Variants in LRBA observed in about 807,000 individuals in gnomAD.
LRBA encodes the protein LPS responsive beige-like anchor protein.
A neutral mutation model predicts 330.0 loss-of-function variants in LRBA; 176 were observed. The ratio of observed to expected loss-of-function variants is 0.53; its 90% confidence interval spans 0.47 to 0.60. LRBA has a LOEUF of 0.60. Ranked by LOEUF, LRBA falls within the 20% of genes least tolerant of loss-of-function variation. LRBA has a pLI of 0.00. For missense variants in LRBA, 3,259 were observed against 3,444.8 expected, an observed-to-expected ratio of 0.95 and a Z score of 1.35; for synonymous variants, 1,230 against 1,193.0, an observed-to-expected ratio of 1.03 and a Z score of -0.64.
intron 43 of LRBA, among the ~76,000 whole-genome samples, chr4:150,470,739 TCA>T (rs1164015076): frequency 6.6e-6 from 1 of 152,054 alleles, no homozygotes; most frequent in Non-Finnish European, 1.5e-5. Context: ...CCACCTACAT[TCA>T]GTCAGCTGCA....
In LRBA at chr4:150,686,723, G is replaced by A. The variant is rs72736392; in HGVS notation, c.5755-3006C>T. Among the ~76,000 whole-genome samples the A allele has an allele frequency of 8.0e-3, 1,211 of 152,002 alleles. 9 individuals are homozygous for A. The highest frequency in any genetic ancestry group is 0.011 in the Non-Finnish European group (779 of 67,926). ...TACTGATGAGATTTAGAAAATCACC[G>A]GTTTCTGAAATGCTATGAACCACCA... is the stretch of plus-strand genomic sequence containing the variant. On this transcript the variant is annotated intron_variant, in intron 36 of 56. Coordinates refer to ENST00000651943, the MANE Select transcript of LRBA (RefSeq NM_001364905.1).
At chr4:150,974,774 T>C (rs968641976) in intron 2 of LRBA, among the ~76,000 whole-genome samples, 2 of 152,092 alleles carry the variant, frequency 1.3e-5, no homozygotes, top group Non-Finnish European at 2.9e-5. Context: ...CTCATCCCTG[T>C]GCAAAGCATA....
intron 22 of LRBA, among the ~76,000 whole-genome samples, chr4:150,857,679 T>TA (rs1751388342): frequency 6.6e-6 from 1 of 152,130 alleles, no homozygotes; most frequent in Non-Finnish European, 1.5e-5. Flanking sequence ...AAGGAACAGA[T>TA]AAAGTATGAT....
In LRBA at chr4:150,848,934, T is replaced by G. The variant is rs1345556680; in HGVS notation, c.4223A>C (p.Gln1408Pro). Reference sequence around the variant, plus strand: ...CACATCCACAAGGCTAATTAGCCTCTGCAAAAATGTCACAGAGGCTTCTAT... The same window carrying G: ...CACATCCACAAGGCTAATTAGCCTCGGCAAAAATGTCACAGAGGCTTCTAT... ...LSIEASVTFLQRLISLVDVLI... is the reference protein window; with the variant it reads ...LSIEASVTFLPRLISLVDVLI... The change falls in exon 26 of 57, where the codon CAG becomes CCG. Residue 1408 changes from glutamine to proline, a missense_variant. By Grantham distance (76) the Gln-to-Pro change is moderately conservative (BLOSUM62 -1). Transcript: ENST00000651943. 1.2e-6 allele frequency: 2 copies of G among 1,611,838 alleles called. No individual in the cohort carries two copies. The highest frequency in any genetic ancestry group is 2.7e-5 in the African/African-American group (2 of 74,818).
chr4:150,596,099 T>C (rs535976565), intron 38 of LRBA, among the ~76,000 whole-genome samples: 2 of 152,100 alleles, frequency 1.3e-5, no homozygotes, highest in South Asian at 4.1e-4. Flanking sequence ...GCATGACTTT[T>C]ATAAATAACC....
intron 40 of LRBA, chr4:150,580,426 A>G (rs1164640947): frequency 2.6e-5 from 4 of 152,190 alleles, no homozygotes; most frequent in African/African-American, 4.8e-5. Flanking sequence ...TACCAAGTAG[A>G]TAGAAAGAAA....
Position 150,713,357 on chromosome 4 carries a change from T to G in LRBA, c.5754+21901A>C, listed in dbSNP as rs76734799. 4.5e-3 allele frequency among the ~76,000 whole-genome samples: 685 copies of G among 152,216 alleles called. 6 individuals carry two copies. The highest frequency in any genetic ancestry group is 7.0e-3 in the Non-Finnish European group (473 of 68,000). On this transcript the variant is annotated intron_variant, in intron 36 of 56. Coordinates refer to ENST00000651943, the MANE Select transcript of LRBA (RefSeq NM_001364905.1). ...CATACAAGGCACTGTTTGCTACACA[T>G]AGGTAGAGAAGGAAAGTTGGCATAT...
chr4:150,913,216 C>T, intron 9 of LRBA, among the ~76,000 whole-genome samples: 2 of 152,240 alleles, frequency 1.3e-5, no homozygotes, highest in South Asian at 4.1e-4. Flanking sequence ...GCCTGTAATC[C>T]CAGCACTTTG....
chr4:150,982,764 T>C (rs1002456364), intron 2 of LRBA, among the ~76,000 whole-genome samples: 2 of 152,192 alleles, frequency 1.3e-5, no homozygotes, highest in Non-Finnish European at 2.9e-5. Context: ...CCACAGAATG[T>C]AGGGCAATGC....
intron 44 of LRBA, among the ~76,000 whole-genome samples, chr4:150,462,714 C>T (rs748753566): frequency 3.6e-4 from 54 of 151,784 alleles, no homozygotes; most frequent in African/African-American, 8.5e-4. Context: ...TAATTCAATA[C>T]ATTTTAAAGC....
At chr4:150,418,765 T>G (rs939309487) in intron 46 of LRBA, among the ~76,000 whole-genome samples, 12 of 152,196 alleles carry the variant, frequency 7.9e-5, no homozygotes, top group Non-Finnish European at 2.9e-5. Context: ...CAAGAACATT[T>G]GCAGGGTCCA....
chr4:150,660,634 A>G (rs1338577316), intron 37 of LRBA, among the ~76,000 whole-genome samples: 1 of 140,032 alleles, frequency 7.1e-6, no homozygotes, highest in Non-Finnish European at 1.6e-5. Flanking sequence ...AAAGGCGGGA[A>G]AGGCGGGGAA....
chr4:151,005,182 C>A (rs1378800850), intron 2 of LRBA, among the ~76,000 whole-genome samples: 1 of 151,856 alleles, frequency 6.6e-6, no homozygotes, highest in Non-Finnish European at 1.5e-5. Context: ...CACGGTGGCT[C>A]ACGCCTGTAA....
At position 150,928,664 on chromosome 4, in the gene LRBA, C is replaced by T. The variant is rs751155446; in HGVS notation, c.449-48G>A. 1.3e-5 allele frequency: 19 copies of T among 1,470,586 alleles called. No individual in the cohort carries two copies. In the East Asian group the frequency reaches 2.1e-4, roughly 16 times the overall value. The allele number at this position is 1,470,586 out of a possible 1,614,324, so 91.1% of individuals were successfully genotyped here. ...AAATAACTCAGCTAGTTATATTTCT[C>T]GAATATTTAAAATAAACTGTGCTTA... On this transcript the variant is annotated intron_variant, in intron 3 of 56. Coordinates refer to ENST00000651943, the MANE Select transcript of LRBA (RefSeq NM_001364905.1).
chr4:150,472,580 A>C (rs1756264323), intron 42 of LRBA, among the ~76,000 whole-genome samples: 1 of 152,126 alleles, frequency 6.6e-6, no homozygotes, highest in African/African-American at 2.4e-5. Context: ...CCTTTTGGCT[A>C]AAATCAAGTG....
intron 40 of LRBA, among the ~76,000 whole-genome samples, chr4:150,511,209 C>A (rs1761795291): frequency 6.6e-6 from 1 of 152,172 alleles, no homozygotes; most frequent in South Asian, 2.1e-4. Context: ...CACCCCTCAA[C>A]AGCTGTCATT....
At chr4:150,486,231 C>G (rs1757854136) in intron 42 of LRBA, among the ~76,000 whole-genome samples, 1 of 151,386 alleles carries the variant, frequency 6.6e-6, no homozygotes, top group Non-Finnish European at 1.5e-5. Context: ...TGAATTACAA[C>G]TCAATAAAGC....
At position 150,282,456 on chromosome 4, in the gene LRBA, G is replaced by T; in HGVS notation, c.8310C>A (p.Asn2770Lys). Reference protein sequence around the residue: ...KLQATMETDDNIRAIQLSRDG... With the variant: ...KLQATMETDDKIRAIQLSRDG... ...GAGTCCCCAGGGCACTCACTCTTAT[G>T]TTATCATCTGTTTCCATCGTGGCCT... The change falls in exon 55 of 57, where the codon AAC becomes AAA. Residue 2770 changes from asparagine (N) to lysine (K), a missense_variant. Transcript: ENST00000651943. 1.2e-6 allele frequency: 2 copies of T among 1,613,982 alleles called. No individual in the cohort carries two copies. The highest frequency in any genetic ancestry group is 1.7e-6 in the Non-Finnish European group (2 of 1,179,884).
At chr4:151,007,401 A>T (rs1197589350) in intron 2 of LRBA, among the ~76,000 whole-genome samples, 1 of 151,700 alleles carries the variant, frequency 6.6e-6, no homozygotes, top group Non-Finnish European at 1.5e-5. Flanking sequence ...GCTACTTGGG[A>T]GGCTGAGGCA....
Sources: allele counts gnomAD v4.1 joint callset (sites outside exome capture counted in the v4.1 genomes callset), GRCh38; gene constraint gnomAD v4.1.1; transcripts MANE v1.5; gene names NCBI Gene and HGNC (gene_info 2026-07-23, HGNC 2026-07-21).